Variants in PCCA observed in about 807,000 individuals in gnomAD.
PCCA encodes the protein propionyl-CoA carboxylase alpha chain, mitochondrial.
In PCCA, 74 loss-of-function variants were observed where a neutral mutation model predicts 101.3. That is an observed-to-expected ratio of 0.73 (90% confidence interval 0.61 to 0.89). The LOEUF is 0.89. PCCA is among the 40% of genes least tolerant of loss of function. The pLI, the probability that PCCA is intolerant of heterozygous loss-of-function variation, is 0.00. For missense variants in PCCA, 891 were observed against 907.0 expected, an observed-to-expected ratio of 0.98 and a Z score of 0.23; for synonymous variants, 294 against 313.6, an observed-to-expected ratio of 0.94 and a Z score of 0.66.
chr13:100,127,382 A>C (rs1324205830), intron 4 of PCCA, among the ~76,000 whole-genome samples: 1 of 152,198 alleles, frequency 6.6e-6, no homozygotes, highest in African/African-American at 2.4e-5. Flanking sequence ...TAAATTAAGA[A>C]AAAAGTGAAA....
intron 18 of PCCA, among the ~76,000 whole-genome samples, chr13:100,344,571 G>A (rs562458272): frequency 1.3e-5 from 2 of 152,174 alleles, no homozygotes; most frequent in South Asian, 4.2e-4. Flanking sequence ...AGACTTCAAC[G>A]GTGTTCCTTA....
intron 18 of PCCA, among the ~76,000 whole-genome samples, chr13:100,359,862 C>T (rs193189538): frequency 1.3e-5 from 2 of 152,310 alleles, no homozygotes; most frequent in East Asian, 3.9e-4. Context: ...TGTCACTTCT[C>T]TCTACAGTAA....
rs79519187 is a variant in PCCA, at chr13:100,423,081, G to T, written c.1747-2552G>T. Among the ~76,000 whole-genome samples, 1,306 of 151,480 alleles carry T rather than the reference G, an allele frequency of 8.6e-3. 31 individuals carry two copies. Among genetic ancestry groups the T allele is most frequent in the East Asian group, 0.078 (401 of 5,118 alleles). ...TCTGAGTGTTGTTTATGTTGAAATA[G>T]GCCGGGAGGGTAGGTGAAGCAGGCT... On this transcript the variant is annotated intron_variant, in intron 19 of 23. Transcript: ENST00000376285.
At chr13:100,433,638 A>G (rs1183586297) in intron 20 of PCCA, among the ~76,000 whole-genome samples, 1 of 152,146 alleles carries the variant, frequency 6.6e-6, no homozygotes, top group Non-Finnish European at 1.5e-5. Flanking sequence ...GGTGTGTTTC[A>G]AAGTCTAGTT....
chr13:100,100,194 C>G (rs2047147537), intron 1 of PCCA, among the ~76,000 whole-genome samples: 1 of 152,184 alleles, frequency 6.6e-6, no homozygotes, highest in Non-Finnish European at 1.5e-5. Context: ...CAATGACTCA[C>G]AGCTGAGAGT....
At chr13:100,518,677 A>G (rs544964387) in intron 22 of PCCA, among the ~76,000 whole-genome samples, 1 of 152,352 alleles carries the variant, frequency 6.6e-6, no homozygotes, top group South Asian at 2.1e-4. Context: ...ACAGTGGATT[A>G]TTAAGGTCCA....
chr13:100,488,619 TG>T (rs1461451406), intron 21 of PCCA, among the ~76,000 whole-genome samples: 48 of 124,690 alleles, frequency 3.8e-4, no homozygotes, highest in South Asian at 2.5e-3. Flanking sequence ...CTACAAGTTT[TG>T]TTTTTTTGTT....
At chr13:100,144,260 T>C (rs2052264783) in intron 4 of PCCA, among the ~76,000 whole-genome samples, 1 of 152,168 alleles carries the variant, frequency 6.6e-6, no homozygotes, top group Non-Finnish European at 1.5e-5. Flanking sequence ...GGTAAGAAAC[T>C]AAACAGCCAT....
intron 21 of PCCA, among the ~76,000 whole-genome samples, chr13:100,470,998 A>C (rs1261118620): frequency 2.0e-5 from 3 of 152,252 alleles, no homozygotes; most frequent in African/African-American, 7.2e-5. Flanking sequence ...GTAACTGCAC[A>C]AGAGACCTAG....
intron 14 of PCCA, chr13:100,305,855 T>C: frequency 2.3e-6 from 1 of 433,006 alleles, no homozygotes; most frequent in Non-Finnish European, 4.7e-6. Context: ...TGAATGATTT[T>C]TGTTTATAAT....
At chr13:100,342,642 T>C (rs1426063794) in intron 18 of PCCA, among the ~76,000 whole-genome samples, 1 of 151,918 alleles carries the variant, frequency 6.6e-6, no homozygotes, top group East Asian at 2.0e-4. Context: ...TCTCTTCCAG[T>C]GCACTCCCTG....
intron 6 of PCCA, among the ~76,000 whole-genome samples, chr13:100,175,412 A>T (rs987251878): frequency 2.0e-5 from 3 of 152,222 alleles, no homozygotes; most frequent in African/African-American, 7.2e-5. Context: ...AAATGTAAGC[A>T]ATTTATATTT....
chr13:100,324,022 G>T (rs1172581017), intron 16 of PCCA, among the ~76,000 whole-genome samples: 1 of 152,166 alleles, frequency 6.6e-6, no homozygotes, highest in East Asian at 1.9e-4. Flanking sequence ...TACTTCGTAG[G>T]TTTCTTATGC....
chr13:100,137,656 G>C (rs372490061), intron 4 of PCCA, among the ~76,000 whole-genome samples: 1 of 151,946 alleles, frequency 6.6e-6, no homozygotes, highest in Non-Finnish European at 1.5e-5. Context: ...AGGCATTCCA[G>C]CCTTTATTTG....
At chr13:100,145,986 G>A (rs1249084678) in intron 4 of PCCA, among the ~76,000 whole-genome samples, 1 of 149,736 alleles carries the variant, frequency 6.7e-6, no homozygotes, top group African/African-American at 2.4e-5. Context: ...GCCCAGGCTG[G>A]AGTGCGCTGG....
At chr13:100,433,623 A>T (rs2079719979) in intron 20 of PCCA, among the ~76,000 whole-genome samples, 1 of 152,032 alleles carries the variant, frequency 6.6e-6, no homozygotes, top group South Asian at 2.1e-4. Context: ...TATTTGGGAG[A>T]GGAGGGTGTG....
At chr13:100,185,023 A>G (rs2057131242) in intron 6 of PCCA, among the ~76,000 whole-genome samples, 1 of 152,238 alleles carries the variant, frequency 6.6e-6, no homozygotes, top group East Asian at 1.9e-4. Flanking sequence ...ACATAATGTA[A>G]ATGTACAGCT....
Position 100,213,269 on chromosome 13 carries a change from G to A in PCCA, c.600+3806G>A, listed in dbSNP as rs2059333431. Among the ~76,000 whole-genome samples the A allele has an allele frequency of 2.0e-5, 3 of 152,060 alleles. No homozygotes were observed. In the South Asian group the frequency reaches 6.2e-4, roughly 31 times the overall value. ...GTATATACCTAGCAGTGGGATTGCT[G>A]GATCATATGGCAGCTCTATTTTTAG... On this transcript the variant is annotated intron_variant, in intron 7 of 23. Coordinates refer to ENST00000376285, the MANE Select transcript of PCCA (RefSeq NM_000282.4).
intron 4 of PCCA, among the ~76,000 whole-genome samples, chr13:100,113,436 T>C (rs1012885651): frequency 6.6e-6 from 1 of 152,280 alleles, no homozygotes; most frequent in South Asian, 2.1e-4. Context: ...GTCACTACTA[T>C]AGACTTCATA....
Sources: gnomAD v4.1 joint callset for allele counts (sites outside exome capture counted in the v4.1 genomes callset) on GRCh38, gnomAD v4.1.1 for gene constraint, MANE v1.5 for transcripts, NCBI Gene and HGNC (gene_info 2026-07-23, HGNC 2026-07-21) for gene names.